Variants in OSBPL3 observed in about 807,000 individuals in gnomAD.
OSBPL3 encodes the protein oxysterol-binding protein-related protein 3.
OSBPL3 carries 65 observed loss-of-function variants against 120.1 expected under a neutral mutation model. The observed-to-expected ratio is 0.54, with a 90% CI of 0.44 to 0.67. OSBPL3 has a LOEUF of 0.67. OSBPL3 is among the 30% of genes least tolerant of loss of function. The pLI is 0.00. For synonymous variants in OSBPL3, 416 were observed against 402.6 expected, an observed-to-expected ratio of 1.03 and a Z score of -0.40; for missense variants, 1,004 against 1,082.1, an observed-to-expected ratio of 0.93 and a Z score of 1.01.
rs7783383 is a variant in OSBPL3 at position 24,913,193 on chromosome 7, T to C, written c.-149-20572A>G. ...ATTAAAGATGTCAGGGATACATAAA[T>C]ATTGTCATTAACCTACCAGTTCATC... On this transcript the variant is annotated intron_variant, in intron 1 of 22. Coordinates refer to ENST00000313367, the MANE Select transcript of OSBPL3 (RefSeq NM_015550.4). This position sits in a 1 kb window ranked among gnomAD's most constrained non-coding sequence, Gnocchi z 5.3. Among the ~76,000 whole-genome samples, 39,861 of 152,036 alleles carry C rather than the reference T, an allele frequency of 0.26. 5,432 individuals carry two copies. The highest frequency in any genetic ancestry group is 0.37 in the South Asian group (1,761 of 4,812).
At chr7:24,910,515 C>G (rs929642046) in intron 1 of OSBPL3, among the ~76,000 whole-genome samples, 2 of 152,228 alleles carry the variant, frequency 1.3e-5, no homozygotes, top group African/African-American at 4.8e-5. Flanking sequence ...GACAGGCACA[C>G]TGATGAAAAC....
At position 24,979,812 on chromosome 7, in the gene OSBPL3, G is replaced by A. The variant is rs1020486129; in HGVS notation, c.-150+74C>T. 2.1e-5 allele frequency: 14 copies of A among 658,088 alleles called. No homozygotes were observed. The East Asian group carries it at 1.9e-3, about 91-fold the overall frequency. 40.8% of individuals were successfully genotyped at this position (658,088 alleles called of 1,614,324 possible). A position where few individuals can be genotyped will look rare whatever the true frequency, so the allele number is the denominator to read the frequency against. ...GAACCGCGGCGCCCCGCAAACAGCA[G>A]CCCTTCCGAGCCCGCGCCGCCGCCA... On this transcript the variant is annotated intron_variant, in intron 1 of 22. Transcript: ENST00000313367.
intron 1 of OSBPL3, among the ~76,000 whole-genome samples, chr7:24,897,474 C>G (rs929439745): frequency 6.6e-6 from 1 of 151,384 alleles, no homozygotes; most frequent in African/African-American, 2.4e-5. Flanking sequence ...TACAGGCGCC[C>G]GCTACCACGC....
Position 24,900,298 on chromosome 7 carries a change from G to A in OSBPL3, c.-149-7677C>T, listed in dbSNP as rs1463338289. Reference sequence around the variant, plus strand: ...ATCTTTCGGCCTTTGGTATACAGCAGGTCCTCGAGTAATGTTGTTTTATTT... The same window carrying A: ...ATCTTTCGGCCTTTGGTATACAGCAAGTCCTCGAGTAATGTTGTTTTATTT... On this transcript the variant is annotated intron_variant, in intron 1 of 22. Transcript: ENST00000313367. This position sits in a 1 kb window ranked among gnomAD's most constrained non-coding sequence, Gnocchi z 4.5. 6.6e-6 allele frequency among the ~76,000 whole-genome samples: 1 copy of A among 152,154 alleles called. No homozygotes were observed. The highest frequency in any genetic ancestry group is 1.5e-5 in the Non-Finnish European group (1 of 68,034).
chr7:24,921,266 C>T (rs1810349011), intron 1 of OSBPL3, among the ~76,000 whole-genome samples: 1 of 152,068 alleles, frequency 6.6e-6, no homozygotes, highest in African/African-American at 2.4e-5. Flanking sequence ...AATAGATACA[C>T]ATATGTACAC....
intron 19 of OSBPL3, among the ~76,000 whole-genome samples, chr7:24,812,304 C>CA (rs57963279): frequency 0.012 from 1,184 of 96,928 alleles, 19 homozygotes; most frequent in African/African-American, 0.038. Context: ...GACTCCATCT[C>CA]AAAAAAAAAA....
intron 9 of OSBPL3, 99 bp from the exon 10 acceptor site, chr7:24,861,868 C>A: frequency 3.2e-5 from 22 of 677,324 alleles, no homozygotes; most frequent in Non-Finnish European, 4.4e-5. Context: ...AAATACAAAA[C>A]ATTTTATAGG....
In OSBPL3 at chr7:24,834,639, G is replaced by A. The variant is rs1360490362; in HGVS notation, c.1593C>T (p.Ile531=). 1.2e-6 allele frequency: 2 copies of A among 1,614,162 alleles called. No individual in the cohort carries two copies. ...PSSSNISLWN[I]LRNNIGKDLS... ...GGTCCTTCCCGATGTTGTTCCTCAG[G>A]ATGTTCCACAGGCTGATGTTACTGC... Residue 531 remains isoleucine (I), a synonymous_variant, in exon 15 of 23, where the codon ATC becomes ATT. Coordinates refer to ENST00000313367, the MANE Select transcript of OSBPL3 (RefSeq NM_015550.4). The surrounding 1 kb of genome is among the most constrained non-coding windows in gnomAD (Gnocchi z 5.2).
chr7:24,892,690 T>C (rs766157404), intron 1 of OSBPL3, 69 bp from the exon 2 acceptor site: 12 of 1,168,574 alleles, frequency 1.0e-5, no homozygotes, highest in Non-Finnish European at 1.3e-5. Context: ...ACAAATTGTC[T>C]GCAAGTGGCT....
intron 4 of OSBPL3, 79 bp from the exon 5 acceptor site, chr7:24,870,924 T>C: frequency 2.3e-6 from 2 of 872,966 alleles, no homozygotes; most frequent in Non-Finnish European, 3.9e-6. Context: ...CCCTTCCACA[T>C]CCCCTGATAG....
At chr7:24,979,607 G>C (rs978627433) in intron 1 of OSBPL3, among the ~76,000 whole-genome samples, 1 of 152,176 alleles carries the variant, frequency 6.6e-6, no homozygotes, top group Non-Finnish European at 1.5e-5. Context: ...CGGCCCCTGC[G>C]CTCGGCTCCT....
chr7:24,816,440 A>T (rs893760911), intron 18 of OSBPL3, among the ~76,000 whole-genome samples, 170 bp downstream of exon 18: 9 of 152,160 alleles, frequency 5.9e-5, no homozygotes, highest in Admixed American at 2.0e-4. Flanking sequence ...AACATTTTTT[A>T]AAAGTGAGCT....
chr7:24,834,558 C>G lies in OSBPL3; in HGVS notation c.1674G>C (p.Arg558Ser). 6.2e-7 allele frequency: 1 copy of G among 1,614,190 alleles called. No individual in the cohort carries two copies. Among genetic ancestry groups the G allele is most frequent in the Non-Finnish European group, 8.5e-7 (1 of 1,180,012 alleles). The change falls in exon 15 of 23, where the codon AGG (arginine) becomes AGC (serine). Residue 558 changes from arginine (R) to serine (S), a missense_variant. Physicochemically the swap from Arg to Ser is moderately radical, Grantham distance 110 (BLOSUM62 -1). Coordinates refer to ENST00000313367, the MANE Select transcript of OSBPL3 (RefSeq NM_015550.4). This position sits in a 1 kb window ranked among gnomAD's most constrained non-coding sequence, Gnocchi z 5.2. ...CGCTGTACTCCAGCTCCTCGCAGAGCCTCTGCAGCGTGTTCAGGGGCTCGT... is the reference window on the plus strand; with the variant it reads ...CGCTGTACTCCAGCTCCTCGCAGAGGCTCTGCAGCGTGTTCAGGGGCTCGT... Reference protein sequence around the residue: ...ELNEPLNTLQRLCEELEYSEL... With the variant: ...ELNEPLNTLQSLCEELEYSEL...
rs1461840800 is a variant in OSBPL3, at chr7:24,913,321, TG to T, written c.-149-20701del. On this transcript the variant is annotated intron_variant, in intron 1 of 22. Coordinates refer to ENST00000313367, the MANE Select transcript of OSBPL3 (RefSeq NM_015550.4). This position sits in a 1 kb window ranked among gnomAD's most constrained non-coding sequence, Gnocchi z 5.3. Reference sequence around the variant, plus strand: ...CTGGCAGACCTCCAGACTCAGCAGGTGGGAAGCATGAGAACATGGGGTGAAA... The same window carrying T: ...CTGGCAGACCTCCAGACTCAGCAGGTGGAAGCATGAGAACATGGGGTGAAA... Among the ~76,000 whole-genome samples, 1 of 151,990 alleles carries T rather than the reference TG, an allele frequency of 6.6e-6. No homozygotes were observed. The highest frequency in any genetic ancestry group is 2.4e-5 in the African/African-American group (1 of 41,386).
intron 1 of OSBPL3, among the ~76,000 whole-genome samples, chr7:24,925,511 G>T (rs1238523352): frequency 6.6e-6 from 1 of 152,194 alleles, no homozygotes; most frequent in African/African-American, 2.4e-5. Flanking sequence ...CCAGTGGACA[G>T]GCCTGTTTGA....
At chr7:24,903,518 C>T (rs779616110) in intron 1 of OSBPL3, among the ~76,000 whole-genome samples, 3 of 152,176 alleles carry the variant, frequency 2.0e-5, no homozygotes, top group Non-Finnish European at 2.9e-5. Flanking sequence ...CAAATGTAAC[C>T]CTATCCTTCA....
chr7:24,903,045 TAGAC>T (rs753418879), intron 1 of OSBPL3, among the ~76,000 whole-genome samples: 1 of 152,362 alleles, frequency 6.6e-6, no homozygotes, highest in Non-Finnish European at 1.5e-5. Flanking sequence ...TTTCTTAAGT[TAGAC>T]AGTAAGACAA....
Position 24,807,005 on chromosome 7 carries a change from T to C in OSBPL3, c.2318-103A>G. 4 of 911,278 alleles carry C rather than the reference T, an allele frequency of 4.4e-6. No individual in the cohort carries two copies. In the South Asian group the frequency reaches 7.5e-5, roughly 17 times the overall value. 56.4% of individuals were successfully genotyped at this position (911,278 alleles called of 1,614,324 possible). On this transcript the variant is annotated intron_variant, in intron 20 of 22. Coordinates refer to ENST00000313367, the MANE Select transcript of OSBPL3 (RefSeq NM_015550.4). ...TCAGCCTAGCTACAATTTTTCTCTC[T>C]CAGCTCCCTTCCATTTCTGTTAAAA...
rs1460356925 is a variant in OSBPL3 at position 24,835,074 on chromosome 7, T to TA, written c.1496-339dup. Reference sequence around the variant, plus strand: ...TGTTTATAAAAACTTGTAAACTTTTTAAAAAATCACTTTAAATTCTGGTAA... The same window carrying TA: ...TGTTTATAAAAACTTGTAAACTTTTTAAAAAAATCACTTTAAATTCTGGTAA... On this transcript the variant is annotated intron_variant, in intron 14 of 22. Transcript: ENST00000313367. The surrounding 1 kb of genome is among the most constrained non-coding windows in gnomAD (Gnocchi z 4.8). 1.3e-5 allele frequency among the ~76,000 whole-genome samples: 2 copies of TA among 152,322 alleles called. No individual in the cohort carries two copies. Among genetic ancestry groups the TA allele is most frequent in the East Asian group, 1.9e-4 (1 of 5,186 alleles).
Sources: allele counts gnomAD v4.1 joint callset (sites outside exome capture counted in the v4.1 genomes callset), GRCh38; gene constraint gnomAD v4.1.1; non-coding constraint Gnocchi (gnomAD v3.1); transcripts MANE v1.5; gene names NCBI Gene and HGNC (gene_info 2026-07-23, HGNC 2026-07-21).